Variants in SPAG16 observed in about 807,000 individuals in gnomAD.
SPAG16 encodes sperm-associated antigen 16 protein.
In SPAG16, 86 loss-of-function variants were observed where a neutral mutation model predicts 80.4. The observed-to-expected ratio is 1.07, with a 90% CI of 0.90 to 1.28. The LOEUF (loss-of-function observed/expected upper bound fraction) is 1.28. SPAG16 is among the 50% of genes most tolerant of loss of function. The pLI is 0.00. For synonymous variants in SPAG16, 294 were observed against 265.9 expected (o/e 1.11, Z -1.03); for missense variants, 870 against 765.3 (o/e 1.14, Z -1.61).
intron 15 of SPAG16, among the ~76,000 whole-genome samples, chr2:214,383,570 CAAAAAAAAAGAAAAAAG>C (rs1700580364): frequency 1.7e-5 from 1 of 59,468 alleles, no homozygotes; most frequent in Non-Finnish European, 4.1e-5. Context: ...GACTTCATCT[CAAAAAAAAAGAAAAAAG>C]AAAAAAAAAG....
chr2:213,835,342 T>C (rs1335393234), intron 10 of SPAG16, among the ~76,000 whole-genome samples: 2 of 152,210 alleles, frequency 1.3e-5, no homozygotes, highest in Admixed American at 6.5e-5. Flanking sequence ...GAATTATCTT[T>C]GTTTTATAAT....
In SPAG16 at chr2:213,557,208, A is replaced by G. The variant is rs187301399; in HGVS notation, c.1070+67118A>G. On this transcript the variant is annotated intron_variant, in intron 10 of 15. Coordinates refer to ENST00000331683, the MANE Select transcript of SPAG16 (RefSeq NM_024532.5). ...AATCTGCCAGCTAATGGCTATCTCT[A>G]TAATAATGAGTTACCTATCACCTTT... is the stretch of plus-strand genomic sequence containing the variant. Among the ~76,000 whole-genome samples, 9 of 152,254 alleles carry G rather than the reference A, an allele frequency of 5.9e-5. No homozygotes were observed. The South Asian group carries it at 1.0e-3, about 17-fold the overall frequency.
chr2:214,019,360 T>A (rs1472836679), intron 13 of SPAG16, among the ~76,000 whole-genome samples: 1 of 152,156 alleles, frequency 6.6e-6, no homozygotes, highest in African/African-American at 2.4e-5. Flanking sequence ...CTATGAGTTG[T>A]GTCAGAGCTG....
intron 6 of SPAG16, among the ~76,000 whole-genome samples, chr2:213,342,257 G>A (rs1420710639): frequency 6.7e-6 from 1 of 148,582 alleles, no homozygotes; most frequent in Non-Finnish European, 1.5e-5. Flanking sequence ...ATAGTATGCA[G>A]CAAAGTGTAT....
intron 15 of SPAG16, among the ~76,000 whole-genome samples, chr2:214,387,053 A>G (rs941838367): frequency 4.6e-5 from 7 of 151,994 alleles, no homozygotes; most frequent in Admixed American, 6.6e-5. Flanking sequence ...CATTTTTACT[A>G]CTTCCTTCTA....
intron 15 of SPAG16, among the ~76,000 whole-genome samples, chr2:214,244,056 T>C (rs1045290253): frequency 3.9e-5 from 6 of 152,094 alleles, no homozygotes; most frequent in African/African-American, 1.4e-4. Context: ...CGTAATGCAT[T>C]GCGAATAACA....
chr2:213,696,659 G>A (rs1021715138), intron 10 of SPAG16, among the ~76,000 whole-genome samples: 1 of 152,138 alleles, frequency 6.6e-6, no homozygotes, highest in African/African-American at 2.4e-5. Flanking sequence ...AGCTAAAAAA[G>A]AAAAAGATGC....
intron 11 of SPAG16, among the ~76,000 whole-genome samples, chr2:213,887,181 T>A (rs1211323143): frequency 6.6e-6 from 1 of 152,068 alleles, no homozygotes; most frequent in East Asian, 1.9e-4. Flanking sequence ...AACACTGGCA[T>A]CATACTTTTA....
intron 10 of SPAG16, among the ~76,000 whole-genome samples, chr2:213,589,786 G>A (rs753526600): frequency 6.6e-6 from 1 of 152,046 alleles, no homozygotes; most frequent in Non-Finnish European, 1.5e-5. Flanking sequence ...GCTGAGCATA[G>A]TGGTGCACAC....
chr2:213,880,143 A>G (rs2076289876), intron 11 of SPAG16, among the ~76,000 whole-genome samples: 1 of 151,990 alleles, frequency 6.6e-6, no homozygotes, highest in Non-Finnish European at 1.5e-5. Flanking sequence ...AATAGCTGTT[A>G]TTTTTTTACT....
intron 10 of SPAG16, among the ~76,000 whole-genome samples, chr2:213,490,385 T>C (rs1447055923): frequency 6.6e-6 from 1 of 152,184 alleles, no homozygotes. Context: ...AGATAGGATC[T>C]CAGCAACTAT....
intron 8 of SPAG16, among the ~76,000 whole-genome samples, chr2:213,373,206 A>G (rs892254241): frequency 6.6e-6 from 1 of 152,168 alleles, no homozygotes; most frequent in African/African-American, 2.4e-5. Context: ...GAGAAGTGCT[A>G]TATGGAATCT....
chr2:214,014,144 G>A, intron 13 of SPAG16, 67 bp downstream of exon 13: 1 of 1,581,534 alleles, frequency 6.3e-7, no homozygotes, highest in African/African-American at 1.3e-5. Flanking sequence ...CATTCTTTGG[G>A]TATGGAATAT....
intron 10 of SPAG16, among the ~76,000 whole-genome samples, chr2:213,499,541 G>T (rs1461752239): frequency 6.6e-6 from 1 of 152,098 alleles, no homozygotes; most frequent in Non-Finnish European, 1.5e-5. Flanking sequence ...AACATACTGT[G>T]TATTATCTAC....
chr2:214,009,037 C>A (rs976060800), intron 12 of SPAG16, among the ~76,000 whole-genome samples: 2 of 152,166 alleles, frequency 1.3e-5, no homozygotes, highest in African/African-American at 4.8e-5. Flanking sequence ...CAGGATTAAA[C>A]TCCAGAGTAT....
intron 11 of SPAG16, among the ~76,000 whole-genome samples, chr2:213,914,732 G>A (rs7560270): frequency 0.91 from 139,156 of 152,226 alleles, 64,923 homozygotes; most frequent in East Asian, 1. Context: ...TATACTGATC[G>A]ATGAGTGATA....
At chr2:213,958,677 C>A (rs1235569676) in intron 12 of SPAG16, among the ~76,000 whole-genome samples, 1 of 152,014 alleles carries the variant, frequency 6.6e-6, no homozygotes, top group Non-Finnish European at 1.5e-5. Flanking sequence ...TAGCCTCTTA[C>A]ATTATTCAGA....
chr2:214,368,133 G>A (rs996756115), intron 15 of SPAG16, among the ~76,000 whole-genome samples: 1 of 152,012 alleles, frequency 6.6e-6, no homozygotes, highest in African/African-American at 2.4e-5. Context: ...CCATTAAAAT[G>A]CTCTCTATCA....
At chr2:213,862,130 A>C (rs899206074) in intron 10 of SPAG16, among the ~76,000 whole-genome samples, 3 of 152,226 alleles carry the variant, frequency 2.0e-5, no homozygotes, top group Non-Finnish European at 4.4e-5. Context: ...CCACTGGTCC[A>C]AATATCCCAA....
Sources: gnomAD v4.1 joint callset for allele counts (sites outside exome capture counted in the v4.1 genomes callset) on GRCh38, gnomAD v4.1.1 for gene constraint, MANE v1.5 for transcripts, NCBI Gene and HGNC (gene_info 2026-07-23, HGNC 2026-07-21) for gene names.